DSE: variants seen among roughly 807,000 people sequenced by gnomAD.
The protein encoded by DSE is dermatan sulfate epimerase, also known as dermatan-sulfate epimerase.
A neutral mutation model predicts 84.4 loss-of-function variants in DSE; 36 were observed. That is an observed-to-expected ratio of 0.43 (90% CI 0.33 to 0.56). The LOEUF (loss-of-function observed/expected upper bound fraction) is 0.56, where lower values mean the gene tolerates loss of function less well. Ranked by LOEUF, DSE falls within the 20% of genes least tolerant of loss-of-function variation. The pLI, the probability that DSE is intolerant of heterozygous loss-of-function variation, is 0.06. For missense variants in DSE, 862 were observed against 1,169.6 expected, an observed-to-expected ratio of 0.74 and a Z score of 3.84; for synonymous variants, 410 against 430.1, an observed-to-expected ratio of 0.95 and a Z score of 0.58.
chr6:116,324,656 G>A (rs778759854), intron 2 of DSE, among the ~76,000 whole-genome samples: 16 of 152,218 alleles, frequency 1.1e-4, no homozygotes, highest in Non-Finnish European at 1.9e-4. Context: ...AGCAATGGTA[G>A]AACAACCCAG....
At chr6:116,371,210 C>T (rs1175931398) in intron 1 of DSE, 89 bp downstream of exon 1, 3 of 984,900 alleles carry the variant, frequency 3.0e-6, no homozygotes, top group African/African-American at 1.7e-5. Context: ...GGGGCTGTCC[C>T]GGCGCGGGCG....
chr6:116,273,480 A>G (rs1213954864), intron 2 of DSE, among the ~76,000 whole-genome samples: 2 of 152,218 alleles, frequency 1.3e-5, no homozygotes, highest in East Asian at 1.9e-4. Context: ...AACACCTCCC[A>G]TAATAATAAA....
chr6:116,401,736 T>G (rs912497986), intron 2 of DSE, among the ~76,000 whole-genome samples: 2 of 152,158 alleles, frequency 1.3e-5, no homozygotes, highest in Non-Finnish European at 2.9e-5. Flanking sequence ...TGTTCAGTGA[T>G]TTTACAGTTC....
intron 2 of DSE, among the ~76,000 whole-genome samples, chr6:116,417,878 G>A (rs1312212102): frequency 6.6e-6 from 1 of 152,052 alleles, no homozygotes; most frequent in African/African-American, 2.4e-5. Context: ...AAACAATACC[G>A]GACACTAAAG....
intron 1 of DSE, among the ~76,000 whole-genome samples, chr6:116,381,085 T>A (rs974167565): frequency 1.3e-5 from 2 of 152,186 alleles, no homozygotes; most frequent in African/African-American, 4.8e-5. Context: ...CCTTCATGGC[T>A]GGCACCGTCC....
At chr6:116,322,089 C>T (rs561908649) in intron 2 of DSE, among the ~76,000 whole-genome samples, 5 of 146,628 alleles carry the variant, frequency 3.4e-5, no homozygotes, top group Admixed American at 2.1e-4. Context: ...TAAGGGGGTG[C>T]GTGTGAGAGG....
At chr6:116,326,216 A>C (rs1776612173) in intron 2 of DSE, among the ~76,000 whole-genome samples, 2 of 152,100 alleles carry the variant, frequency 1.3e-5, no homozygotes, top group Non-Finnish European at 2.9e-5. Flanking sequence ...TCCCTTAATT[A>C]TAGTAACCAG....
At chr6:116,386,790 A>G (rs1780602215) in intron 1 of DSE, among the ~76,000 whole-genome samples, 1 of 152,192 alleles carries the variant, frequency 6.6e-6, no homozygotes, top group African/African-American at 2.4e-5. Flanking sequence ...GAGCTGGTAA[A>G]GGGCCAGTCC....
intron 2 of DSE, among the ~76,000 whole-genome samples, chr6:116,351,551 A>G (rs1039498589): frequency 6.6e-5 from 10 of 152,064 alleles, no homozygotes; most frequent in Admixed American, 6.6e-4. Context: ...TATTATAGTG[A>G]TGTTTGTTAT....
At chr6:116,377,742 A>G (rs1318150968) in intron 1 of DSE, among the ~76,000 whole-genome samples, 2 of 152,170 alleles carry the variant, frequency 1.3e-5, no homozygotes, top group African/African-American at 4.8e-5. Flanking sequence ...AGGTGCACTC[A>G]ATATCCAACA....
chr6:116,298,620 C>G (rs563966778), intron 2 of DSE, among the ~76,000 whole-genome samples: 4 of 152,326 alleles, frequency 2.6e-5, no homozygotes, highest in African/African-American at 9.6e-5. Flanking sequence ...TTAGACTTCT[C>G]ATTTCCAGAA....
chr6:116,281,580 C>G (rs1160702367), intron 2 of DSE, among the ~76,000 whole-genome samples: 3 of 152,152 alleles, frequency 2.0e-5, no homozygotes, highest in Non-Finnish European at 2.9e-5. Context: ...CAGAAATATA[C>G]TTAGGCAAAT....
intron 2 of DSE, among the ~76,000 whole-genome samples, chr6:116,416,832 A>G (rs17077940): frequency 0.011 from 1,621 of 152,312 alleles, 30 homozygotes; most frequent in African/African-American, 0.037. Flanking sequence ...CTGAGTGATA[A>G]CATCAAAAAG....
At chr6:116,356,319 T>G (rs1202782474) in intron 2 of DSE, among the ~76,000 whole-genome samples, 1 of 152,172 alleles carries the variant, frequency 6.6e-6, no homozygotes, top group Non-Finnish European at 1.5e-5. Flanking sequence ...AGCTATGATA[T>G]CTAATATGGT....
At chr6:116,288,848 C>T (rs1182967847) in intron 2 of DSE, among the ~76,000 whole-genome samples, 1 of 151,958 alleles carries the variant, frequency 6.6e-6, no homozygotes, top group East Asian at 1.9e-4. Flanking sequence ...AACTAAAATG[C>T]CATACCACAG....
At chr6:116,266,142 C>T (rs1003440465) in intron 2 of DSE, among the ~76,000 whole-genome samples, 8 of 152,196 alleles carry the variant, frequency 5.3e-5, no homozygotes, top group East Asian at 1.9e-4. Flanking sequence ...TCTTTTTCCA[C>T]ACTTTAACAT....
At chr6:116,369,226 G>A (rs1224256368), upstream of DSE, among the ~76,000 whole-genome samples, 1 of 152,210 alleles carries the variant, frequency 6.6e-6, no homozygotes, top group Admixed American at 6.5e-5. Flanking sequence ...TGATTCTAAA[G>A]TTCTAGGTTG....
At chr6:116,382,600 T>C (rs1035861863) in intron 1 of DSE, among the ~76,000 whole-genome samples, 8 of 152,198 alleles carry the variant, frequency 5.3e-5, no homozygotes, top group Non-Finnish European at 1.0e-4. Flanking sequence ...TACCACATAG[T>C]TTCTGTCTTC....
chr6:116,409,001 A>G (rs974416221), intron 2 of DSE, among the ~76,000 whole-genome samples: 5 of 152,184 alleles, frequency 3.3e-5, no homozygotes, highest in East Asian at 1.9e-4. Flanking sequence ...CAGTGTTCCA[A>G]TTACATTTAT....
Sources: allele counts gnomAD v4.1 joint callset (sites outside exome capture counted in the v4.1 genomes callset), GRCh38; gene constraint gnomAD v4.1.1; transcripts MANE v1.5; gene names NCBI Gene and HGNC (gene_info 2026-07-23, HGNC 2026-07-21).